The following CTNNA2 variants were observed in gnomAD, a reference collection of about 807,000 sequenced individuals.
CTNNA2 encodes catenin alpha-2.
A neutral mutation model predicts 101.0 loss-of-function variants in CTNNA2; 42 were observed. The observed-to-expected ratio is 0.42, with a 90% CI of 0.32 to 0.54. The LOEUF is 0.54. Among genes scored for constraint, CTNNA2 ranks in the 20% least tolerant of loss-of-function variants. CTNNA2 has a pLI of 0.14. For missense variants in CTNNA2, 871 were observed against 1,223.1 expected (o/e 0.71, Z 4.29); for synonymous variants, 450 against 456.4 (o/e 0.99, Z 0.18).
At chr2:79,991,580 G>T (rs1422036620) in intron 7 of CTNNA2, among the ~76,000 whole-genome samples, 1 of 152,152 alleles carries the variant, frequency 6.6e-6, no homozygotes, top group Non-Finnish European at 1.5e-5. Context: ...GTAGTGCTCG[G>T]CATGCAAGCA....
intron 9 of CTNNA2, among the ~76,000 whole-genome samples, chr2:80,466,143 G>T (rs1342714468): frequency 1.3e-5 from 2 of 152,110 alleles, no homozygotes; most frequent in African/African-American, 2.4e-5. Context: ...CATTTCTGTT[G>T]TGATATTGAT....
intron 17 of CTNNA2, among the ~76,000 whole-genome samples, chr2:80,611,948 A>G (rs1698501204): frequency 6.6e-6 from 1 of 151,622 alleles, no homozygotes; most frequent in African/African-American, 2.4e-5. Flanking sequence ...AAATTTTAAT[A>G]GATTTTATTA....
chr2:80,431,649 C>T (rs535732552), intron 9 of CTNNA2, among the ~76,000 whole-genome samples: 1 of 152,178 alleles, frequency 6.6e-6, no homozygotes, highest in Non-Finnish European at 1.5e-5. Context: ...TGTTCTAAAT[C>T]GTGAACTGAT....
chr2:79,930,266 GAA>G (rs755541714), intron 7 of CTNNA2, among the ~76,000 whole-genome samples: 1,208 of 21,018 alleles, frequency 0.057, 8 homozygotes, highest in Non-Finnish European at 0.11. Flanking sequence ...AAGAAAGAAA[GAA>G]AGAAAGAAAG....
intron 4 of CTNNA2, among the ~76,000 whole-genome samples, chr2:79,444,097 T>G (rs1678805454): frequency 6.6e-6 from 1 of 152,032 alleles, no homozygotes; most frequent in African/African-American, 2.4e-5. Context: ...TCTCTACAGT[T>G]GAGCCTTCAG....
chr2:79,490,106 T>G (rs893812858), intron 4 of CTNNA2, among the ~76,000 whole-genome samples: 3 of 152,182 alleles, frequency 2.0e-5, no homozygotes, highest in Non-Finnish European at 4.4e-5. Flanking sequence ...AGTATTTCCA[T>G]CCACTCTGTG....
intron 3 of CTNNA2, among the ~76,000 whole-genome samples, chr2:79,338,945 G>T (rs546647807): frequency 2.6e-5 from 4 of 152,098 alleles, no homozygotes; most frequent in Non-Finnish European, 5.9e-5. Flanking sequence ...TGAGGGACAG[G>T]TCATGAATTG....
chr2:79,321,334 G>T (rs1037164321), intron 3 of CTNNA2, among the ~76,000 whole-genome samples: 2 of 152,124 alleles, frequency 1.3e-5, no homozygotes, highest in Admixed American at 6.5e-5. Flanking sequence ...GGCTCCAAAT[G>T]CAAGAATCTT....
intron 3 of CTNNA2, among the ~76,000 whole-genome samples, chr2:79,773,182 CT>C (rs1319349158): frequency 1.3e-5 from 2 of 152,140 alleles, no homozygotes; most frequent in Admixed American, 6.5e-5. Flanking sequence ...GTTAAGATGA[CT>C]TTTTTAGGTA....
At chr2:79,843,120 C>T (rs1371811890) in intron 3 of CTNNA2, among the ~76,000 whole-genome samples, 1 of 152,236 alleles carries the variant, frequency 6.6e-6, no homozygotes, top group Non-Finnish European at 1.5e-5. Flanking sequence ...AGGCTAAATT[C>T]TGTGAATGGT....
chr2:80,060,378 A>G (rs771089819), intron 7 of CTNNA2, among the ~76,000 whole-genome samples: 8 of 152,182 alleles, frequency 5.3e-5, no homozygotes, highest in South Asian at 2.1e-4. Context: ...CAACTTTGCC[A>G]TCTCTAAGCC....
At chr2:79,854,913 G>A (rs1037885213) in intron 3 of CTNNA2, among the ~76,000 whole-genome samples, 1 of 152,084 alleles carries the variant, frequency 6.6e-6, no homozygotes, top group African/African-American at 2.4e-5. Flanking sequence ...CTACATTCCT[G>A]GGAAAGTAGC....
rs114867217 is a variant in CTNNA2, at chr2:80,143,177, C to T, written c.1056+233380C>T. The stretch of plus-strand genomic sequence containing the variant: ...AAAGTTCTCTGTGCACTTTGACTTA[C>T]GGCCCAAGTGTCCTTCCTCCAACAG... On this transcript the variant is annotated intron_variant, in intron 7 of 18. Coordinates refer to ENST00000402739, the MANE Select transcript of CTNNA2 (RefSeq NM_001282597.3). Among the ~76,000 whole-genome samples the T allele has an allele frequency of 3.3e-3, 507 of 152,242 alleles. 3 individuals are homozygous for T. The highest frequency in any genetic ancestry group is 0.012 in the African/African-American group (480 of 41,536).
intron 2 of CTNNA2, among the ~76,000 whole-genome samples, chr2:79,278,329 A>G (rs1419167696): frequency 6.6e-6 from 1 of 152,140 alleles, no homozygotes; most frequent in Non-Finnish European, 1.5e-5. Context: ...TTCTGTATTA[A>G]TGAGGAGAGA....
chr2:79,208,859 T>G (rs1233805304), intron 2 of CTNNA2, among the ~76,000 whole-genome samples: 1 of 152,202 alleles, frequency 6.6e-6, no homozygotes, highest in Non-Finnish European at 1.5e-5. Context: ...ATGAATAACT[T>G]TATATTACTC....
At chr2:80,317,095 G>A (rs1046270119) in intron 7 of CTNNA2, among the ~76,000 whole-genome samples, 2 of 152,056 alleles carry the variant, frequency 1.3e-5, no homozygotes, top group Admixed American at 6.6e-5. Context: ...AGGTGCCAAG[G>A]CCCAGACACT....
intron 7 of CTNNA2, among the ~76,000 whole-genome samples, chr2:79,911,658 G>C (rs1685809890): frequency 6.6e-6 from 1 of 152,102 alleles, no homozygotes; most frequent in Admixed American, 6.6e-5. Flanking sequence ...TGAAATCTTA[G>C]TTTCTATTTT....
chr2:80,124,096 A>G (rs903283967), intron 7 of CTNNA2, among the ~76,000 whole-genome samples: 3 of 152,068 alleles, frequency 2.0e-5, no homozygotes, highest in African/African-American at 7.2e-5. Context: ...ATCCATCCCT[A>G]TAGTTTTGGC....
At chr2:80,498,132 C>T (rs1180590947) in intron 9 of CTNNA2, among the ~76,000 whole-genome samples, 2 of 152,114 alleles carry the variant, frequency 1.3e-5, no homozygotes, top group African/African-American at 4.8e-5. Flanking sequence ...AAACAAACAA[C>T]AACCAAAAAA....
Sources: gnomAD v4.1 joint callset for allele counts (sites outside exome capture counted in the v4.1 genomes callset) on GRCh38, gnomAD v4.1.1 for gene constraint, MANE v1.5 for transcripts, NCBI Gene and HGNC (gene_info 2026-07-23, HGNC 2026-07-21) for gene names.